The following SNX2 variants were observed in gnomAD, a reference collection of about 807,000 sequenced individuals.
SNX2 encodes the protein sorting nexin-2.
In SNX2, 25 loss-of-function variants were observed where a neutral mutation model predicts 69.9. The observed-to-expected ratio is 0.36, with a 90% CI of 0.26 to 0.50. The LOEUF (loss-of-function observed/expected upper bound fraction) is 0.50. SNX2 is among the 20% of genes least tolerant of loss of function. The pLI, the probability that SNX2 is intolerant of heterozygous loss-of-function variation, is 0.97. For synonymous variants in SNX2, 229 were observed against 200.4 expected, an observed-to-expected ratio of 1.14 and a Z score of -1.20; for missense variants, 551 against 613.3, an observed-to-expected ratio of 0.90 and a Z score of 1.07.
chr5:122,815,676 G>A (rs998442647), intron 7 of SNX2: 13 of 307,178 alleles, frequency 4.2e-5, no homozygotes, highest in Middle Eastern at 9.4e-4. Context: ...CTCTTTTTAC[G>A]TAATTATGAA....
At chr5:122,805,505 A>T (rs74381661) in intron 6 of SNX2, among the ~76,000 whole-genome samples, 1 of 152,018 alleles carries the variant, frequency 6.6e-6, no homozygotes, top group Non-Finnish European at 1.5e-5. Context: ...TACCCTTTAC[A>T]GTTTCAGAAC....
In SNX2 at chr5:122,791,618, T is replaced by G. The variant is rs542754043; in HGVS notation, c.109-3648T>G. On this transcript the variant is annotated intron_variant, in intron 1 of 14. Coordinates refer to ENST00000379516, the MANE Select transcript of SNX2 (RefSeq NM_003100.4). ...TTTTAGTAGAGACGAGATTTTTCCATGTTGGTCAGGCTGGTCTCGAACTCC... is the reference window on the plus strand; with the variant it reads ...TTTTAGTAGAGACGAGATTTTTCCAGGTTGGTCAGGCTGGTCTCGAACTCC... Among the ~76,000 whole-genome samples, 151 of 151,666 alleles carry G rather than the reference T, an allele frequency of 1.0e-3. 2 individuals are homozygous for G. The highest frequency in any genetic ancestry group is 3.6e-3 in the African/African-American group (149 of 41,324).
chr5:122,792,825 A>G (rs1753275281), intron 1 of SNX2, among the ~76,000 whole-genome samples: 2 of 152,198 alleles, frequency 1.3e-5, no homozygotes. Context: ...AAATATTTGA[A>G]GAGACTCTTC....
chr5:122,799,593 G>A (rs1753462244), intron 2 of SNX2, 99 bp from the exon 3 acceptor site: 2 of 648,282 alleles, frequency 3.1e-6, no homozygotes, highest in Non-Finnish European at 4.9e-6. Context: ...ATATTTGTGG[G>A]TAATATAAAA....
chr5:122,775,072 C>T (rs1023351525), upstream of SNX2: 11 of 1,558,520 alleles, frequency 7.1e-6, no homozygotes, highest in Non-Finnish European at 9.6e-6. Flanking sequence ...GTCCGCGAGG[C>T]CCAGCTCGCG....
intron 1 of SNX2, among the ~76,000 whole-genome samples, chr5:122,776,872 C>T (rs1295212437): frequency 6.6e-6 from 1 of 152,036 alleles, no homozygotes. Context: ...AACCTTTTTT[C>T]AGTAAGTCTG....
intron 1 of SNX2, 117 bp from the exon 2 acceptor site, chr5:122,795,149 T>G (rs1324911142): frequency 3.0e-6 from 2 of 671,000 alleles, no homozygotes; most frequent in Non-Finnish European, 5.3e-6. Context: ...TAAATAGCTG[T>G]TCTTGTTCTT....
rs1393498542 is a variant in SNX2, at chr5:122,833,330, T to C, written c.*3682T>C. On this transcript the variant is annotated 3_prime_UTR_variant, in exon 15 of 15. Transcript: ENST00000379516. ...CATGAAGATAGGTCATGGTAATCTA[T>C]GGAGAAGGTCCTTAAGAGCATAGAA... 2 of 152,318 alleles carry C rather than the reference T, an allele frequency of 1.3e-5. No homozygotes were observed. The highest frequency in any genetic ancestry group is 2.1e-4 in the South Asian group (1 of 4,822). 9.4% of individuals were successfully genotyped at this position (152,318 alleles called of 1,614,324 possible). A position where few individuals can be genotyped will look rare whatever the true frequency, so the allele number is the denominator to read the frequency against.
At chr5:122,809,832 A>C (rs1026837952) in intron 7 of SNX2, among the ~76,000 whole-genome samples, 1 of 152,204 alleles carries the variant, frequency 6.6e-6, no homozygotes, top group Non-Finnish European at 1.5e-5. Context: ...TGTAGTTTAA[A>C]ATCTTAGAGA....
intron 1 of SNX2, among the ~76,000 whole-genome samples, chr5:122,792,578 CAA>C (rs1753268202): frequency 7.6e-6 from 1 of 131,040 alleles, no homozygotes; most frequent in Admixed American, 8.1e-5. Flanking sequence ...GCCTGGGCAA[CAA>C]GAGTGAAACT....
At chr5:122,819,675 T>G (rs1243924869) in intron 11 of SNX2, among the ~76,000 whole-genome samples, 1 of 152,246 alleles carries the variant, frequency 6.6e-6, no homozygotes, top group Admixed American at 6.5e-5. Flanking sequence ...TGTATCATGT[T>G]TCAGAAGATA....
chr5:122,822,884 C>A (rs1754056105), intron 11 of SNX2, among the ~76,000 whole-genome samples: 1 of 152,138 alleles, frequency 6.6e-6, no homozygotes, highest in Non-Finnish European at 1.5e-5. Context: ...ATGTATTTAA[C>A]TAAAAGATGG....
intron 3 of SNX2, 152 bp from the exon 4 acceptor site, chr5:122,801,717 A>C (rs1034086127): frequency 2.0e-6 from 1 of 499,070 alleles, no homozygotes; most frequent in African/African-American, 2.2e-5. Flanking sequence ...GGAAATGTGA[A>C]AGTTTTTATT....
rs1753370358 is a variant in SNX2, at chr5:122,796,120, AC to A, written c.226+738del. Among the ~76,000 whole-genome samples the A allele has an allele frequency of 7.2e-5, 11 of 152,276 alleles. No homozygotes were observed. The South Asian group carries it at 2.3e-3, about 32-fold the overall frequency. On this transcript the variant is annotated intron_variant, in intron 2 of 14. Coordinates refer to ENST00000379516, the MANE Select transcript of SNX2 (RefSeq NM_003100.4). Reference sequence around the variant, plus strand: ...TGTGGCTCATAAGCTTGGGATTTTCACACTAAACATTTTTAACTCATGAGGT... The same window carrying A: ...TGTGGCTCATAAGCTTGGGATTTTCAACTAAACATTTTTAACTCATGAGGT...
chr5:122,805,943 G>A (rs1396569526), intron 6 of SNX2, among the ~76,000 whole-genome samples: 1 of 151,820 alleles, frequency 6.6e-6, no homozygotes, highest in East Asian at 1.9e-4. Flanking sequence ...ACCACGCACA[G>A]CTAATGTTTT....
chr5:122,803,128 T>C (rs917060067), intron 5 of SNX2, among the ~76,000 whole-genome samples: 11 of 152,156 alleles, frequency 7.2e-5, no homozygotes, highest in African/African-American at 2.7e-4. Context: ...AAGTTTGAAG[T>C]GCTGGTGAGA....
At chr5:122,775,444 G>A (rs1752834547) in intron 1 of SNX2, 9 of 1,229,546 alleles carry the variant, frequency 7.3e-6, no homozygotes, top group Non-Finnish European at 6.1e-6. Context: ...TCCTCAGAGG[G>A]GCCAGAACCG....
At position 122,775,128 on chromosome 5, in the gene SNX2, C is replaced by G; in HGVS notation, c.25C>G (p.Pro9Ala). 6.3e-7 allele frequency: 1 copy of G among 1,593,706 alleles called. No homozygotes were observed. The highest frequency in any genetic ancestry group is 8.5e-7 in the Non-Finnish European group (1 of 1,171,982). Residue 9 changes from proline (P) to alanine (A), a missense_variant, in exon 1 of 15, where the codon CCG (proline) becomes GCG (alanine). Pro to Ala is a conservative substitution (Grantham distance 27). Around this residue, in one of 2 missense-constraint regions of SNX2, gnomAD observed 191 missense variants for 162.9 expected, o/e 1.17. Coordinates refer to ENST00000379516, the MANE Select transcript of SNX2 (RefSeq NM_003100.4). ...GATGGCGGCCGAGAGGGAACCTCCT[C>G]CGCTGGGGGACGGGAAGCCCACCGA... The part of the protein sequence containing the change: MAAEREPP[P>A]LGDGKPTDFE...
chr5:122,826,537 G>T, intron 12 of SNX2: 1 of 345,358 alleles, frequency 2.9e-6, no homozygotes, highest in South Asian at 1.2e-4. Context: ...TAGCTGTCCA[G>T]GCAACATTAT....
Sources: gnomAD v4.1 joint callset for allele counts (sites outside exome capture counted in the v4.1 genomes callset) on GRCh38, gnomAD v4.1.1 for gene constraint, gnomAD v4.1.1 regional missense constraint, MANE v1.5 for transcripts, NCBI Gene and HGNC (gene_info 2026-07-23, HGNC 2026-07-21) for gene names.